Variants in CSMD1 observed in about 807,000 individuals in gnomAD.
CSMD1 encodes CUB and Sushi multiple domains 1, also known as CUB and sushi domain-containing protein 1.
Under a neutral mutation model 417.5 loss-of-function variants are expected in CSMD1, and 213 were observed. That is an observed-to-expected ratio of 0.51 (90% CI 0.46 to 0.57). The LOEUF is 0.57. CSMD1 is among the 20% of genes least tolerant of loss of function. The pLI, the probability that CSMD1 is intolerant of heterozygous loss-of-function variation, is 0.00. For synonymous variants in CSMD1, 2,862 were observed against 1,736.8 expected (o/e 1.65, Z -16.11); for missense variants, 6,923 against 4,529.7 (o/e 1.53, Z -15.17).
intron 1 of CSMD1, among the ~76,000 whole-genome samples, chr8:4,808,636 C>G (rs1028718935): frequency 6.6e-6 from 1 of 152,168 alleles, no homozygotes; most frequent in Non-Finnish European, 1.5e-5. Flanking sequence ...AGCCAGCAAT[C>G]ATACCAACAG....
intron 3 of CSMD1, among the ~76,000 whole-genome samples, chr8:4,271,346 C>G (rs1162859604): frequency 6.6e-6 from 1 of 152,068 alleles, no homozygotes; most frequent in African/African-American, 2.4e-5. Context: ...GAAACACTGG[C>G]AGTGCTTGGA....
At chr8:4,941,177 AAAAC>A (rs750101565) in intron 1 of CSMD1, among the ~76,000 whole-genome samples, 209 of 152,364 alleles carry the variant, frequency 1.4e-3, no homozygotes, top group Non-Finnish European at 2.7e-3. Context: ...ATTAAAATAA[AAAAC>A]AAAAATATTG....
chr8:4,046,348 T>G (rs1040913656), intron 3 of CSMD1, among the ~76,000 whole-genome samples: 9 of 152,216 alleles, frequency 5.9e-5, no homozygotes, highest in Non-Finnish European at 1.3e-4. Context: ...AGACTCAATG[T>G]TATCATTATA....
intron 3 of CSMD1, among the ~76,000 whole-genome samples, chr8:4,382,222 T>G (rs1183318636): frequency 6.6e-6 from 1 of 152,154 alleles, no homozygotes; most frequent in Non-Finnish European, 1.5e-5. Flanking sequence ...GAAACTCAAT[T>G]TCATTAAACA....
At chr8:4,142,514 T>C (rs898519761) in intron 3 of CSMD1, among the ~76,000 whole-genome samples, 1 of 151,342 alleles carries the variant, frequency 6.6e-6, no homozygotes, top group Admixed American at 6.6e-5. Flanking sequence ...GGAGCTGTTC[T>C]AGATGAATTC....
At chr8:3,299,468 C>A (rs62504385) in intron 25 of CSMD1, among the ~76,000 whole-genome samples, 22,217 of 151,918 alleles carry the variant, frequency 0.15, 1,683 homozygotes, top group Admixed American at 0.2. Context: ...AAAAGGAATG[C>A]AATGTGGTAT....
chr8:3,902,634 C>A (rs1425714709), intron 5 of CSMD1, among the ~76,000 whole-genome samples: 1 of 152,034 alleles, frequency 6.6e-6, no homozygotes, highest in Non-Finnish European at 1.5e-5. Context: ...GGAGGCAGAG[C>A]TCAGGGGTAA....
chr8:3,661,706 A>C (rs1028850941), intron 7 of CSMD1, among the ~76,000 whole-genome samples: 1 of 152,132 alleles, frequency 6.6e-6, no homozygotes, highest in African/African-American at 2.4e-5. Flanking sequence ...CATGTTGGTC[A>C]GGCTAGTCTC....
chr8:4,108,807 G>C (rs1215272589), intron 3 of CSMD1, among the ~76,000 whole-genome samples: 2 of 152,090 alleles, frequency 1.3e-5, no homozygotes, highest in African/African-American at 2.4e-5. Context: ...AAGCTCCTAA[G>C]TAGCATGGCA....
chr8:4,091,710 G>A (rs530827390), intron 3 of CSMD1, among the ~76,000 whole-genome samples: 1 of 152,162 alleles, frequency 6.6e-6, no homozygotes, highest in Non-Finnish European at 1.5e-5. Flanking sequence ...GCTGATAAAG[G>A]CACAAGCCTC....
At chr8:3,626,364 C>T (rs1190863195) in intron 7 of CSMD1, among the ~76,000 whole-genome samples, 3 of 152,160 alleles carry the variant, frequency 2.0e-5, no homozygotes, top group African/African-American at 7.2e-5. Context: ...TTCATGGTCT[C>T]CTCACAGTGA....
chr8:3,708,282 A>T, intron 7 of CSMD1, 132 bp downstream of exon 7: 1 of 692,334 alleles, frequency 1.4e-6, no homozygotes, highest in Middle Eastern at 2.5e-4. Flanking sequence ...CCCAGAAAAT[A>T]CTTTTGGATA....
At chr8:3,042,803 A>AT (rs1811191339) in intron 50 of CSMD1, among the ~76,000 whole-genome samples, 1 of 152,092 alleles carries the variant, frequency 6.6e-6, no homozygotes, top group Non-Finnish European at 1.5e-5. Context: ...TGAGTTATTT[A>AT]TATTTATAGG....
intron 12 of CSMD1, among the ~76,000 whole-genome samples, chr8:3,434,001 T>C (rs1178053341): frequency 6.6e-6 from 1 of 152,234 alleles, no homozygotes; most frequent in African/African-American, 2.4e-5. Flanking sequence ...GGCAAAGCAC[T>C]GAGTGATTTC....
chr8:4,813,681 A>G (rs1227561124), intron 1 of CSMD1, among the ~76,000 whole-genome samples: 2 of 152,242 alleles, frequency 1.3e-5, no homozygotes, highest in Non-Finnish European at 2.9e-5. Flanking sequence ...ATGACACACT[A>G]TTAAGAGATT....
chr8:3,928,871 G>A (rs968220249), intron 5 of CSMD1, among the ~76,000 whole-genome samples: 2 of 138,410 alleles, frequency 1.4e-5, no homozygotes, highest in African/African-American at 2.7e-5. Flanking sequence ...GAAATGTCAT[G>A]GAGCTTTCCA....
intron 5 of CSMD1, among the ~76,000 whole-genome samples, chr8:3,863,830 A>T (rs1025742804): frequency 1.3e-5 from 2 of 152,084 alleles, no homozygotes; most frequent in African/African-American, 2.4e-5. Context: ...GAAAAAAAAA[A>T]TCAGAAAAAA....
chr8:4,896,978 T>C (rs1585283853), intron 1 of CSMD1, among the ~76,000 whole-genome samples: 1 of 152,230 alleles, frequency 6.6e-6, no homozygotes, highest in South Asian at 2.1e-4. Context: ...TTTCTTTCAT[T>C]TTTGTGATGT....
intron 12 of CSMD1, among the ~76,000 whole-genome samples, chr8:3,444,807 G>A (rs1377615917): frequency 1.3e-5 from 2 of 152,124 alleles, no homozygotes; most frequent in African/African-American, 2.4e-5. Flanking sequence ...CAAATAATAT[G>A]CTTCTTTTAT....
Sources: allele counts gnomAD v4.1 joint callset (sites outside exome capture counted in the v4.1 genomes callset), GRCh38; gene constraint gnomAD v4.1.1; transcripts MANE v1.5; gene names NCBI Gene and HGNC (gene_info 2026-07-23, HGNC 2026-07-21).